The following IQUB variants were observed in gnomAD, a reference collection of about 807,000 sequenced individuals.
The protein encoded by IQUB is IQ motif and ubiquitin-like domain-containing protein.
Under a neutral mutation model 86.4 loss-of-function variants are expected in IQUB, and 86 were observed. The ratio of observed to expected loss-of-function variants is 1.00; its 90% CI spans 0.84 to 1.19. The LOEUF (loss-of-function observed/expected upper bound fraction) is 1.19. Among genes scored for constraint, IQUB ranks in the 50% most tolerant of loss-of-function variants. IQUB has a pLI of 0.00. For synonymous variants in IQUB, 289 were observed against 304.5 expected (o/e 0.95, Z 0.53); for missense variants, 946 against 916.9 (o/e 1.03, Z -0.41).
chr7:123,458,097 G>T (rs1793801587), intron 11 of IQUB: 1 of 151,840 alleles, frequency 6.6e-6, no homozygotes, highest in Admixed American at 6.6e-5. Context: ...GCAAACACAG[G>T]AAGTTGAGAT....
chr7:123,453,279 T>C (rs957966132), intron 12 of IQUB, among the ~76,000 whole-genome samples: 7 of 146,248 alleles, frequency 4.8e-5, no homozygotes, highest in Non-Finnish European at 1.1e-4. Context: ...TATATATATA[T>C]ATATATTATT....
chr7:123,510,395 A>T (rs1796365304), intron 2 of IQUB, among the ~76,000 whole-genome samples: 1 of 152,120 alleles, frequency 6.6e-6, no homozygotes. Context: ...GTGTCCCAGA[A>T]GTTAGAAATG....
intron 7 of IQUB, among the ~76,000 whole-genome samples, chr7:123,496,311 A>C (rs2117166808): frequency 6.6e-6 from 1 of 152,260 alleles, no homozygotes; most frequent in Non-Finnish European, 1.5e-5. Context: ...AAAGAGCAAA[A>C]TCAGACAGGA....
rs1410127512 is a variant in IQUB at position 123,529,724 on chromosome 7, T to TTAAAA, written c.-5+4767_-5+4768insTTTTA. Among the ~76,000 whole-genome samples the TTAAAA allele has an allele frequency of 1.1e-3, 39 of 35,822 alleles. 2 individuals are homozygous for TTAAAA. Among genetic ancestry groups the TTAAAA allele is most frequent in the Non-Finnish European group, 1.5e-3 (33 of 21,656 alleles). The allele number at this position is 35,822 out of a possible 152,430, so 23.5% of individuals were successfully genotyped here. A position where few individuals can be genotyped will look rare whatever the true frequency, so the allele number is the denominator to read the frequency against. The stretch of plus-strand genomic sequence containing the variant: ...AACATAGTGAAACCCTGTCTCTACT[T>TTAAAA]AAAAAAAAAAAAAAAAAAAAAAAAA... On this transcript the variant is annotated intron_variant, in intron 1 of 12. Transcript: ENST00000324698.
intron 1 of IQUB, among the ~76,000 whole-genome samples, chr7:123,514,112 AAAGAG>A (rs1344914214): frequency 5.3e-5 from 8 of 152,270 alleles, no homozygotes; most frequent in African/African-American, 1.9e-4. Context: ...TATCGAAGAC[AAAGAG>A]AAGGTCCTGA....
intron 11 of IQUB, 146 bp from the exon 12 acceptor site, chr7:123,457,712 C>T: frequency 1.6e-6 from 1 of 641,398 alleles, no homozygotes; most frequent in South Asian, 2.1e-5. Context: ...CCTTATTTTT[C>T]ACTAAACTTC....
intron 7 of IQUB, among the ~76,000 whole-genome samples, chr7:123,494,867 T>G (rs1440386956): frequency 6.6e-6 from 1 of 152,098 alleles, no homozygotes; most frequent in Non-Finnish European, 1.5e-5. Flanking sequence ...CACTAATAAG[T>G]AGAACAGGCA....
At chr7:123,533,697 A>C (rs1797643538) in intron 1 of IQUB, among the ~76,000 whole-genome samples, 1 of 152,260 alleles carries the variant, frequency 6.6e-6, no homozygotes, top group African/African-American at 2.4e-5. Flanking sequence ...AGCCAATCAC[A>C]GAAGAGTATG....
chr7:123,456,017 G>A (rs537418315), intron 12 of IQUB, among the ~76,000 whole-genome samples: 1 of 152,108 alleles, frequency 6.6e-6, no homozygotes, highest in East Asian at 1.9e-4. Context: ...TTCTGAAAAT[G>A]CTCCATCTTT....
chr7:123,523,473 A>G (rs1190453842), intron 1 of IQUB, among the ~76,000 whole-genome samples: 2 of 151,878 alleles, frequency 1.3e-5, no homozygotes, highest in East Asian at 3.9e-4. Flanking sequence ...GCATTTTTTC[A>G]TGTGTTTTTT....
At chr7:123,517,387 C>T (rs1448699776) in intron 1 of IQUB, among the ~76,000 whole-genome samples, 1 of 151,522 alleles carries the variant, frequency 6.6e-6, no homozygotes, top group African/African-American at 2.4e-5. Flanking sequence ...AAAAATTAGC[C>T]GGGCGTTGTG....
At chr7:123,501,475 T>A (rs1795941786) in intron 6 of IQUB, 1 of 152,218 alleles carries the variant, frequency 6.6e-6, no homozygotes, top group Admixed American at 6.5e-5. Flanking sequence ...AATCCCCTTC[T>A]TTTAGTGACT....
At position 123,461,505 on chromosome 7, in the gene IQUB, CGT is replaced by C; in HGVS notation, c.1857_1858del (p.Arg620ProfsTer7). ...GCAGTTACGACACCGGTATATGCGG[CGT>C]GAGGTGGATGATACAGAAAATTCTG... On this transcript the variant is annotated frameshift_variant, in exon 11 of 13. Transcript: ENST00000324698. LOFTEE classifies it high-confidence loss of function. 1.9e-6 allele frequency: 3 copies of C among 1,612,016 alleles called. No homozygotes were observed. Among genetic ancestry groups the C allele is most frequent in the Non-Finnish European group, 2.5e-6 (3 of 1,178,852 alleles).
At chr7:123,476,198 T>C (rs527775168) in intron 8 of IQUB, among the ~76,000 whole-genome samples, 7 of 152,264 alleles carry the variant, frequency 4.6e-5, no homozygotes, top group South Asian at 2.1e-4. Context: ...ACAATAAAGA[T>C]TGCATACTAT....
At chr7:123,474,660 A>G (rs1794671717) in intron 8 of IQUB, among the ~76,000 whole-genome samples, 1 of 152,234 alleles carries the variant, frequency 6.6e-6, no homozygotes, top group Non-Finnish European at 1.5e-5. Flanking sequence ...CTGTTAGTCA[A>G]CATTTTTAAA....
At chr7:123,458,010 G>T in intron 11 of IQUB, 1 of 159,296 alleles carries the variant, frequency 6.3e-6, no homozygotes. Context: ...CACTTCACAA[G>T]TTTGCATGTC....
At chr7:123,521,651 A>AAC (rs150359350) in intron 1 of IQUB, among the ~76,000 whole-genome samples, 3,463 of 144,380 alleles carry the variant, frequency 0.024, 36 homozygotes, top group Middle Eastern at 0.059. Context: ...TGTCTAAATA[A>AAC]ACACACACAC....
chr7:123,482,415 A>T (rs974499984), intron 7 of IQUB, among the ~76,000 whole-genome samples: 1 of 152,046 alleles, frequency 6.6e-6, no homozygotes, highest in African/African-American at 2.4e-5. Context: ...TTATATAGAC[A>T]TATCATATTG....
intron 1 of IQUB, 83 bp from the exon 2 acceptor site, chr7:123,512,427 C>T (rs1376211270): frequency 4.1e-6 from 3 of 725,184 alleles, no homozygotes; most frequent in African/African-American, 1.8e-5. Flanking sequence ...TATAGAGTAA[C>T]ATTCATAATA....
Sources: gnomAD v4.1 joint callset for allele counts (sites outside exome capture counted in the v4.1 genomes callset) on GRCh38, gnomAD v4.1.1 for gene constraint, MANE v1.5 for transcripts, NCBI Gene and HGNC (gene_info 2026-07-23, HGNC 2026-07-21) for gene names.